SPAG16: variants seen among roughly 807,000 people sequenced by gnomAD.
SPAG16 encodes the protein sperm-associated antigen 16 protein.
SPAG16 carries 86 observed loss-of-function variants against 80.4 expected under a neutral mutation model. The observed-to-expected ratio is 1.07, with a 90% confidence interval of 0.90 to 1.28. SPAG16 has a LOEUF of 1.28. Among genes scored for constraint, SPAG16 ranks in the 50% most tolerant of loss-of-function variants. The pLI is 0.00. For synonymous variants in SPAG16, 294 were observed against 265.9 expected (o/e 1.11, Z -1.03); for missense variants, 870 against 765.3 (o/e 1.14, Z -1.61).
rs1039567102 is a variant in SPAG16, at chr2:213,540,273, A to C, written c.1070+50183A>C. 5.3e-5 allele frequency among the ~76,000 whole-genome samples: 8 copies of C among 151,964 alleles called. No homozygotes were observed. In the East Asian group the frequency reaches 9.7e-4, roughly 18 times the overall value. On this transcript the variant is annotated intron_variant, in intron 10 of 15. Transcript: ENST00000331683. Reference sequence around the variant, plus strand: ...CACTGTGTTAGCCAGGATGGTCTCCATCTCCTGACCTTGTGATCCACACGC... The same window carrying C: ...CACTGTGTTAGCCAGGATGGTCTCCCTCTCCTGACCTTGTGATCCACACGC...
At chr2:213,623,239 A>C (rs983007659) in intron 10 of SPAG16, among the ~76,000 whole-genome samples, 4 of 151,892 alleles carry the variant, frequency 2.6e-5, no homozygotes, top group Admixed American at 6.6e-5. Flanking sequence ...TAAATCTATC[A>C]TTTACTTTTT....
At chr2:214,168,569 G>A (rs1019287223) in intron 15 of SPAG16, among the ~76,000 whole-genome samples, 15 of 151,968 alleles carry the variant, frequency 9.9e-5, no homozygotes, top group African/African-American at 3.4e-4. Context: ...TATACACAGT[G>A]AAAGAGTGGA....
chr2:213,753,261 C>T (rs547504793), intron 10 of SPAG16, among the ~76,000 whole-genome samples: 5 of 152,312 alleles, frequency 3.3e-5, no homozygotes, highest in African/African-American at 1.2e-4. Flanking sequence ...ATCCGCCTGC[C>T]TCGGCCTCCC....
chr2:214,129,845 A>C (rs112684434), intron 14 of SPAG16, among the ~76,000 whole-genome samples: 50 of 152,296 alleles, frequency 3.3e-4, no homozygotes, highest in African/African-American at 1.1e-3. Flanking sequence ...ATGACTTATA[A>C]GGCTTTTTAG....
At chr2:213,700,574 T>C (rs538640033) in intron 10 of SPAG16, among the ~76,000 whole-genome samples, 1 of 152,370 alleles carries the variant, frequency 6.6e-6, no homozygotes, top group South Asian at 2.1e-4. Flanking sequence ...ATAATCATGC[T>C]ATGAAGCTTT....
intron 12 of SPAG16, among the ~76,000 whole-genome samples, chr2:214,000,397 G>A (rs1448035164): frequency 6.6e-6 from 1 of 152,166 alleles, no homozygotes; most frequent in Non-Finnish European, 1.5e-5. Flanking sequence ...ATATGGAACT[G>A]TAAGTCCAAT....
In SPAG16 at chr2:213,490,095, G is replaced by C; in HGVS notation, c.1070+5G>C. 9.0e-6 allele frequency: 14 copies of C among 1,563,624 alleles called. No individual in the cohort carries two copies. The highest frequency in any genetic ancestry group is 1.2e-5 in the Non-Finnish European group (14 of 1,160,338). Reference sequence around the variant, plus strand: ...CCATGAACTTCCAGTGAGCTGGTAGGATTTTTGATGTTTTATTAATACTTT... The same window carrying C: ...CCATGAACTTCCAGTGAGCTGGTAGCATTTTTGATGTTTTATTAATACTTT... On this transcript the variant is annotated splice_donor_5th_base_variant and intron_variant, in intron 10 of 15. Coordinates refer to ENST00000331683, the MANE Select transcript of SPAG16 (RefSeq NM_024532.5).
At chr2:214,329,116 C>T (rs1410702776) in intron 15 of SPAG16, among the ~76,000 whole-genome samples, 2 of 152,172 alleles carry the variant, frequency 1.3e-5, no homozygotes, top group Admixed American at 6.5e-5. Flanking sequence ...GGCGGTTTCT[C>T]ATTCCATTCT....
intron 12 of SPAG16, among the ~76,000 whole-genome samples, chr2:213,941,022 C>T (rs1004729944): frequency 2.0e-5 from 3 of 152,088 alleles, no homozygotes; most frequent in African/African-American, 7.2e-5. Flanking sequence ...AATGATTGTT[C>T]ACCTTCTCTT....
chr2:213,774,831 G>T (rs1331619814), intron 10 of SPAG16, among the ~76,000 whole-genome samples: 1 of 152,146 alleles, frequency 6.6e-6, no homozygotes, highest in Non-Finnish European at 1.5e-5. Flanking sequence ...TGAAGCTTTA[G>T]TTAGATTCAC....
intron 10 of SPAG16, among the ~76,000 whole-genome samples, chr2:213,627,276 A>C (rs1194979569): frequency 6.6e-6 from 1 of 152,198 alleles, no homozygotes; most frequent in African/African-American, 2.4e-5. Flanking sequence ...ATTACAGTGG[A>C]GCAAAAGAGG....
intron 10 of SPAG16, among the ~76,000 whole-genome samples, chr2:213,548,080 G>T (rs1227277413): frequency 6.6e-6 from 1 of 152,128 alleles, no homozygotes; most frequent in Non-Finnish European, 1.5e-5. Context: ...CCCAGAAGAG[G>T]AATTACTGAA....
chr2:214,304,944 A>T (rs1694810823), intron 15 of SPAG16, among the ~76,000 whole-genome samples: 1 of 152,124 alleles, frequency 6.6e-6, no homozygotes, highest in Non-Finnish European at 1.5e-5. Flanking sequence ...TCTTTGAGGA[A>T]TCACCACACT....
chr2:213,689,295 T>TTATGGA (rs1342946108), intron 10 of SPAG16, among the ~76,000 whole-genome samples: 17 of 152,318 alleles, frequency 1.1e-4, no homozygotes, highest in Admixed American at 9.8e-4. Flanking sequence ...TCTGTGTCAG[T>TTATGGA]TATGGATTGG....
chr2:213,501,018 C>G (rs1475739713), intron 10 of SPAG16, among the ~76,000 whole-genome samples: 1 of 152,112 alleles, frequency 6.6e-6, no homozygotes, highest in Non-Finnish European at 1.5e-5. Context: ...GGAAAAAGTA[C>G]CTGTATATTT....
chr2:213,795,230 A>G (rs1383875676), intron 10 of SPAG16, among the ~76,000 whole-genome samples: 1 of 152,178 alleles, frequency 6.6e-6, no homozygotes, highest in Non-Finnish European at 1.5e-5. Context: ...ATGATTAAGA[A>G]TTGTTATTGG....
At chr2:213,391,639 C>T (rs747137070) in intron 9 of SPAG16, among the ~76,000 whole-genome samples, 50 of 152,110 alleles carry the variant, frequency 3.3e-4, no homozygotes, top group Non-Finnish European at 8.8e-5. Flanking sequence ...GATTTAGACT[C>T]AAGTAATTTT....
intron 10 of SPAG16, among the ~76,000 whole-genome samples, chr2:213,678,182 G>T (rs908067692): frequency 6.6e-6 from 1 of 152,040 alleles, no homozygotes; most frequent in African/African-American, 2.4e-5. Context: ...ATGCAAAATT[G>T]ACACCCTAAC....
intron 9 of SPAG16, among the ~76,000 whole-genome samples, chr2:213,418,812 A>T (rs2125426556): frequency 6.6e-6 from 1 of 152,284 alleles, no homozygotes; most frequent in Admixed American, 6.5e-5. Flanking sequence ...GTCCTCTGGA[A>T]AGCTTTGTAT....
Sources: allele counts gnomAD v4.1 joint callset (sites outside exome capture counted in the v4.1 genomes callset), GRCh38; gene constraint gnomAD v4.1.1; transcripts MANE v1.5; gene names NCBI Gene and HGNC (gene_info 2026-07-23, HGNC 2026-07-21).